Variants in DOCK11 observed in about 807,000 individuals in gnomAD.
DOCK11 encodes the protein dedicator of cytokinesis protein 11.
Under a neutral mutation model 169.1 loss-of-function variants are expected in DOCK11, and 70 were observed. The observed-to-expected ratio is 0.41, with a 90% confidence interval of 0.34 to 0.51. The LOEUF is 0.51. Ranked by LOEUF, DOCK11 falls within the 20% of genes least tolerant of loss-of-function variation. DOCK11 has a pLI of 0.10. For missense variants in DOCK11, 1,166 were observed against 1,538.8 expected (o/e 0.76, Z 4.05); for synonymous variants, 529 against 541.3 (o/e 0.98, Z 0.32).
At chrX:118,497,356 G>T (rs753278677) in intron 1 of DOCK11, among the ~76,000 whole-genome samples, 44 of 111,853 alleles carry the variant, frequency 3.9e-4, no homozygotes, top group African/African-American at 1.4e-3. Flanking sequence ...GACATTAGTG[G>T]GAGTTCTGGA....
chrX:118,538,376 A>G (rs967606475), intron 1 of DOCK11, among the ~76,000 whole-genome samples: 8 of 112,522 alleles, frequency 7.1e-5, no homozygotes, highest in Admixed American at 3.8e-4. Flanking sequence ...AACAGAATGC[A>G]TATGAAAGTG....
At chrX:118,678,082 A>G in intron 48 of DOCK11, among the ~76,000 whole-genome samples, 1 of 112,555 alleles carries the variant, frequency 8.9e-6, no homozygotes, top group Non-Finnish European at 1.9e-5. Context: ...TTTAAAATAT[A>G]TTTATTGTTT....
chrX:118,567,979 C>T, intron 9 of DOCK11, 100 bp from the exon 10 acceptor site: 2 of 387,278 alleles, frequency 5.2e-6, no homozygotes, highest in Non-Finnish European at 8.6e-6. Context: ...ATTTTTGAAG[C>T]TGTGACAGAT....
At chrX:118,586,609 T>G (rs1309949217) in intron 16 of DOCK11, among the ~76,000 whole-genome samples, 2 of 111,129 alleles carry the variant, frequency 1.8e-5, no homozygotes, top group African/African-American at 6.6e-5. Context: ...AGGGCAGCTG[T>G]AAAAAGGGTA....
chrX:118,684,385 G>GC (rs1315677085), intron 52 of DOCK11, among the ~76,000 whole-genome samples: 2 of 102,655 alleles, frequency 1.9e-5, no homozygotes, highest in African/African-American at 7.3e-5. Context: ...GATTTCTCCT[G>GC]CCTCAGCCTC....
chrX:118,597,604 T>C (rs1306689022), intron 21 of DOCK11, 52 bp downstream of exon 21: 1 of 1,192,426 alleles, frequency 8.4e-7, no homozygotes, highest in Middle Eastern at 2.3e-4. Context: ...GTGCAAAAAA[T>C]AGAATTCTGT....
intron 24 of DOCK11, among the ~76,000 whole-genome samples, chrX:118,606,081 ATTTTTTT>A (rs952643747): frequency 2.8e-5 from 2 of 71,096 alleles, no homozygotes; most frequent in African/African-American, 1.1e-4. Context: ...GAGGAACAGA[ATTTTTTT>A]TTTTTTTTTT....
chrX:118,603,792 A>G (rs1322449939), intron 23 of DOCK11, among the ~76,000 whole-genome samples: 2 of 112,001 alleles, frequency 1.8e-5, no homozygotes, highest in East Asian at 2.8e-4. Flanking sequence ...GGGGATTTGT[A>G]CTTGCCTTGA....
In DOCK11 at chrX:118,643,619, C is replaced by A. The variant is rs373393752; in HGVS notation, c.4398+25C>A. On this transcript the variant is annotated intron_variant, in intron 40 of 52. Coordinates refer to ENST00000276202, the MANE Select transcript of DOCK11 (RefSeq NM_144658.4). ...GGTAAGGACAGAAGCTTGGGAGCAGCCGGTGGGCTCTCTTCATTGCAAAAA... is the reference window on the plus strand; with the variant it reads ...GGTAAGGACAGAAGCTTGGGAGCAGACGGTGGGCTCTCTTCATTGCAAAAA... 4 of 1,200,639 alleles carry A rather than the reference C, an allele frequency of 3.3e-6. No individual in the cohort carries two copies. The African/African-American group carries it at 7.1e-5, about 21-fold the overall frequency.
chrX:118,662,937 G>A, intron 45 of DOCK11, 145 bp downstream of exon 45: 1 of 435,514 alleles, frequency 2.3e-6, no homozygotes, highest in Non-Finnish European at 4.0e-6. Context: ...CCAGGGCAAA[G>A]ATGTTCCTGT....
intron 1 of DOCK11, among the ~76,000 whole-genome samples, chrX:118,500,985 T>C (rs1049186802): frequency 9.0e-6 from 1 of 111,406 alleles, no homozygotes; most frequent in African/African-American, 3.3e-5. Context: ...CAGTATCTTA[T>C]GAATATTTTT....
intron 40 of DOCK11, among the ~76,000 whole-genome samples, chrX:118,648,165 TATATA>T (rs1459658194): frequency 7.7e-5 from 6 of 77,573 alleles, no homozygotes; most frequent in Admixed American, 4.0e-4. Flanking sequence ...AATAATATAA[TATATA>T]ATATAATAGT....
intron 44 of DOCK11, among the ~76,000 whole-genome samples, chrX:118,658,935 C>T (rs1483467371): frequency 9.0e-6 from 1 of 111,568 alleles, no homozygotes; most frequent in Non-Finnish European, 1.9e-5. Flanking sequence ...ATTCACCCAT[C>T]AACCCAGAAA....
At chrX:118,498,260 T>G (rs778352418) in intron 1 of DOCK11, among the ~76,000 whole-genome samples, 1 of 112,727 alleles carries the variant, frequency 8.9e-6, no homozygotes, top group African/African-American at 3.2e-5. Context: ...TCTATAATTA[T>G]GAGAATGCAA....
At chrX:118,603,852 A>C (rs1218563861) in intron 23 of DOCK11, among the ~76,000 whole-genome samples, 2 of 112,205 alleles carry the variant, frequency 1.8e-5, no homozygotes, top group Admixed American at 9.5e-5. Context: ...CAAAGGCAGG[A>C]AAGTATATGA....
chrX:118,543,875 G>A (rs1162634742), intron 4 of DOCK11, among the ~76,000 whole-genome samples: 1 of 111,614 alleles, frequency 9.0e-6, no homozygotes, highest in Admixed American at 9.5e-5. Context: ...TTGTAAACCC[G>A]GGAGGCGGAG....
chrX:118,548,664 C>T (rs1453504074), intron 6 of DOCK11, among the ~76,000 whole-genome samples: 1 of 111,121 alleles, frequency 9.0e-6, no homozygotes, highest in African/African-American at 3.3e-5. Flanking sequence ...TTCTAGAAGC[C>T]GGAAAAGGTA....
intron 5 of DOCK11, 36 bp from the exon 6 acceptor site, chrX:118,545,985 G>T: frequency 9.8e-7 from 1 of 1,015,955 alleles, no homozygotes; most frequent in Non-Finnish European, 1.4e-6. Flanking sequence ...TGGCAGGCTG[G>T]CTGTTGTTTT....
At chrX:118,617,044 G>A (rs971503959) in intron 30 of DOCK11, among the ~76,000 whole-genome samples, 3 of 111,841 alleles carry the variant, frequency 2.7e-5, no homozygotes, top group Non-Finnish European at 3.8e-5. Context: ...TGGACTACTC[G>A]CAGCATTTAT....
Sources: gnomAD v4.1 joint callset for allele counts (sites outside exome capture counted in the v4.1 genomes callset) on GRCh38, gnomAD v4.1.1 for gene constraint, MANE v1.5 for transcripts, NCBI Gene and HGNC (gene_info 2026-07-23, HGNC 2026-07-21) for gene names.